PRKAR1B: variants seen among roughly 807,000 people sequenced by gnomAD.
The protein encoded by PRKAR1B is cAMP-dependent protein kinase type I-beta regulatory subunit.
A neutral mutation model predicts 46.5 loss-of-function variants in PRKAR1B; 22 were observed. The ratio of observed to expected loss-of-function variants is 0.47; its 90% CI spans 0.34 to 0.68. The LOEUF (loss-of-function observed/expected upper bound fraction) is 0.68, where lower values mean the gene tolerates loss of function less well. Among genes scored for constraint, PRKAR1B ranks in the 30% least tolerant of loss-of-function variants. The pLI is 0.01. For synonymous variants in PRKAR1B, 259 were observed against 217.7 expected (o/e 1.19, Z -1.67); for missense variants, 445 against 535.6 (o/e 0.83, Z 1.67).
intron 2 of PRKAR1B, among the ~76,000 whole-genome samples, chr7:710,895 C>T (rs573963070): frequency 8.1e-4 from 123 of 152,208 alleles, no homozygotes; most frequent in Non-Finnish European, 1.4e-3. Flanking sequence ...CTGCCCGCCT[C>T]GGCCTCCCAA....
At chr7:565,559 T>G (rs948590959) in intron 9 of PRKAR1B, 4 of 152,242 alleles carry the variant, frequency 2.6e-5, no homozygotes, top group Non-Finnish European at 5.9e-5. Flanking sequence ...GTCAAGAGTT[T>G]CCGTCGCCAA....
rs554210882 is a variant in PRKAR1B, at chr7:668,133, G to A, written c.440+9096C>T. ...CAGCAGGTGTGCAAACCCTGCAGGT[G>A]GATGCATCTGCAAAGGATTCTCTGC... On this transcript the variant is annotated intron_variant, in intron 4 of 10. Transcript: ENST00000537384. Among the ~76,000 whole-genome samples, 27 of 152,300 alleles carry A rather than the reference G, an allele frequency of 1.8e-4. 1 individual carries two copies. Among genetic ancestry groups the A allele is most frequent in the African/African-American group, 6.5e-4 (27 of 41,554 alleles).
At chr7:717,229 T>C (rs761050785) in intron 1 of PRKAR1B, among the ~76,000 whole-genome samples, 2 of 150,132 alleles carry the variant, frequency 1.3e-5, no homozygotes, top group Non-Finnish European at 3.0e-5. Context: ...GCAGAGGTCA[T>C]AGTGAGCTGA....
At chr7:662,794 G>A (rs1785683862) in intron 4 of PRKAR1B, among the ~76,000 whole-genome samples, 1 of 152,172 alleles carries the variant, frequency 6.6e-6, no homozygotes, top group African/African-American at 2.4e-5. Flanking sequence ...CAAGTCTCCT[G>A]GGACACCCTC....
In PRKAR1B at chr7:549,243, A is replaced by G. The variant is rs537860247; in HGVS notation, c.*1187T>C. 1.4e-5 allele frequency: 2 copies of G among 140,964 alleles called. No individual in the cohort carries two copies. The highest frequency in any genetic ancestry group is 2.2e-4 in the South Asian group (1 of 4,562). The allele number at this position is 140,964 out of a possible 1,614,324, so 8.7% of individuals were successfully genotyped here. A position where few individuals can be genotyped will look rare whatever the true frequency, so the allele number is the denominator to read the frequency against. Reference sequence around the variant, plus strand: ...GCTTCATGCAGTATTCAGAGCAGAGATAAGGGGGGGGATGGCTCACAGGTC... The same window carrying G: ...GCTTCATGCAGTATTCAGAGCAGAGGTAAGGGGGGGGATGGCTCACAGGTC... On this transcript the variant is annotated 3_prime_UTR_variant, in exon 11 of 11. Coordinates refer to ENST00000537384, the MANE Select transcript of PRKAR1B (RefSeq NM_001164760.2).
At chr7:613,011 A>T (rs772808648) in intron 4 of PRKAR1B, among the ~76,000 whole-genome samples, 1 of 152,210 alleles carries the variant, frequency 6.6e-6, no homozygotes, top group Non-Finnish European at 1.5e-5. Flanking sequence ...CTTCTCAACA[A>T]CCTAACACCG....
chr7:687,159 C>T (rs1779137338), intron 2 of PRKAR1B, among the ~76,000 whole-genome samples: 1 of 152,134 alleles, frequency 6.6e-6, no homozygotes, highest in Admixed American at 6.6e-5. Context: ...TTTAATTTTT[C>T]ATATGTAATG....
chr7:691,056 C>T (rs1473546478), intron 2 of PRKAR1B, among the ~76,000 whole-genome samples: 7 of 150,574 alleles, frequency 4.6e-5, no homozygotes, highest in East Asian at 4.0e-4. Flanking sequence ...CAGGGTCCCA[C>T]GCCCACCCAC....
chr7:628,227 G>A (rs541787741), intron 4 of PRKAR1B, among the ~76,000 whole-genome samples: 3 of 152,364 alleles, frequency 2.0e-5, no homozygotes, highest in East Asian at 1.9e-4. Context: ...TGCGGGCACC[G>A]GATCTGCCTC....
intron 4 of PRKAR1B, among the ~76,000 whole-genome samples, chr7:665,771 A>G (rs1562600031): frequency 6.6e-6 from 1 of 152,202 alleles, no homozygotes; most frequent in African/African-American, 2.4e-5. Flanking sequence ...AAGCCAGGAG[A>G]CAGCTCCCTT....
chr7:683,705 G>A (rs1441455214), intron 2 of PRKAR1B, among the ~76,000 whole-genome samples: 18 of 152,292 alleles, frequency 1.2e-4, no homozygotes, highest in Admixed American at 2.0e-4. Flanking sequence ...TCACAGAGAC[G>A]CCCTGACCAA....
chr7:668,034 G>A (rs777498933), intron 4 of PRKAR1B, among the ~76,000 whole-genome samples: 3 of 152,212 alleles, frequency 2.0e-5, no homozygotes, highest in Non-Finnish European at 4.4e-5. Flanking sequence ...GGATCGACAA[G>A]AGCAAAGTCA....
chr7:623,169 G>A (rs781247976), intron 4 of PRKAR1B, among the ~76,000 whole-genome samples: 15 of 152,176 alleles, frequency 9.9e-5, no homozygotes, highest in Non-Finnish European at 2.2e-4. Context: ...TGACTCTGTT[G>A]ACTACAAGTT....
At chr7:705,306 T>TAA (rs1166269903) in intron 2 of PRKAR1B, among the ~76,000 whole-genome samples, 2 of 109,230 alleles carry the variant, frequency 1.8e-5, no homozygotes, top group African/African-American at 6.8e-5. Flanking sequence ...CTGTCTCAAT[T>TAA]AAAAAAAAAA....
rs1009895323 is a variant in PRKAR1B, at chr7:711,654, C to T, written c.-22-127G>A. On this transcript the variant is annotated intron_variant, in intron 1 of 10. Coordinates refer to ENST00000537384, the MANE Select transcript of PRKAR1B (RefSeq NM_001164760.2). Reference sequence around the variant, plus strand: ...AGAAAGTCACTGATTCTGCATTTGTCAAAGATCTTTCATTCTGTGGGGCCA... The same window carrying T: ...AGAAAGTCACTGATTCTGCATTTGTTAAAGATCTTTCATTCTGTGGGGCCA... 5.7e-6 allele frequency: 5 copies of T among 872,874 alleles called. No individual in the cohort carries two copies. The African/African-American group carries it at 8.5e-5, about 15-fold the overall frequency. The allele number at this position is 872,874 out of a possible 1,614,324, so 54.1% of individuals were successfully genotyped here. A position where few individuals can be genotyped will look rare whatever the true frequency, so the allele number is the denominator to read the frequency against.
intron 4 of PRKAR1B, chr7:608,297 G>C (rs746733762): frequency 6.6e-6 from 1 of 152,190 alleles, no homozygotes; most frequent in African/African-American, 2.4e-5. Context: ...GGGACACTCC[G>C]AGGGTGGCCT....
intron 7 of PRKAR1B, among the ~76,000 whole-genome samples, chr7:586,394 T>G (rs1394085607): frequency 6.6e-6 from 1 of 152,178 alleles, no homozygotes. Flanking sequence ...GAAATGAGTC[T>G]GAGATTTGCA....
At chr7:606,764 A>ATGTG (rs1468591920) in intron 5 of PRKAR1B, among the ~76,000 whole-genome samples, 2 of 104,012 alleles carry the variant, frequency 1.9e-5, no homozygotes, top group African/African-American at 7.4e-5. Context: ...TGAGAATTTT[A>ATGTG]TGCGTGTGTG....
chr7:666,082 C>T lies in PRKAR1B; in HGVS notation c.440+11147G>A, dbSNP rs530836736. Among the ~76,000 whole-genome samples the T allele has an allele frequency of 5.5e-4, 83 of 152,232 alleles. No homozygotes were observed. Among genetic ancestry groups the T allele is most frequent in the Non-Finnish European group, 7.9e-4 (54 of 68,046 alleles). On this transcript the variant is annotated intron_variant, in intron 4 of 10. Transcript: ENST00000537384. This position sits in a 1 kb window ranked among gnomAD's most constrained non-coding sequence, Gnocchi z 4.9. Reference sequence around the variant, plus strand: ...GGAGGCCCAACGCACAACACAAACACGCACGGTGCCACCCAATTATCACGT... The same window carrying T: ...GGAGGCCCAACGCACAACACAAACATGCACGGTGCCACCCAATTATCACGT...
Sources: allele counts gnomAD v4.1 joint callset (sites outside exome capture counted in the v4.1 genomes callset), GRCh38; gene constraint gnomAD v4.1.1; non-coding constraint Gnocchi (gnomAD v3.1); transcripts MANE v1.5; gene names NCBI Gene and HGNC (gene_info 2026-07-23, HGNC 2026-07-21).